PPP3CA: variants seen among roughly 807,000 people sequenced by gnomAD.
PPP3CA encodes CAM-PRP catalytic subunit.
Under a neutral mutation model 66.5 loss-of-function variants are expected in PPP3CA, and 14 were observed. The ratio of observed to expected loss-of-function variants is 0.21; its 90% confidence interval spans 0.14 to 0.33. The LOEUF (loss-of-function observed/expected upper bound fraction) is 0.33. Ranked by LOEUF, PPP3CA falls within the 10% of genes least tolerant of loss-of-function variation. PPP3CA has a pLI of 1.00. For missense variants in PPP3CA, 317 were observed against 639.5 expected, an observed-to-expected ratio of 0.50 and a Z score of 5.44; for synonymous variants, 232 against 226.2, an observed-to-expected ratio of 1.03 and a Z score of -0.23.
chr4:101,332,763 A>C (rs1473495151), intron 1 of PPP3CA, among the ~76,000 whole-genome samples: 5 of 152,206 alleles, frequency 3.3e-5, no homozygotes, highest in Non-Finnish European at 7.3e-5. Flanking sequence ...AATTTCTGTA[A>C]GAAAAATGGG....
At chr4:101,323,769 C>T (rs149603800) in intron 1 of PPP3CA, among the ~76,000 whole-genome samples, 80 of 152,208 alleles carry the variant, frequency 5.3e-4, no homozygotes, top group African/African-American at 1.8e-3. Flanking sequence ...CATTTAATCC[C>T]CATAACAACT....
At chr4:101,156,367 T>C (rs1723319162) in intron 2 of PPP3CA, among the ~76,000 whole-genome samples, 1 of 151,944 alleles carries the variant, frequency 6.6e-6, no homozygotes, top group African/African-American at 2.4e-5. Flanking sequence ...AAAATCAGAA[T>C]AAAGCACAGC....
intron 1 of PPP3CA, among the ~76,000 whole-genome samples, chr4:101,197,656 T>C (rs1724843160): frequency 6.6e-6 from 1 of 152,236 alleles, no homozygotes; most frequent in Non-Finnish European, 1.5e-5. Context: ...GTATTTATTT[T>C]ATGCCAGGCA....
At chr4:101,325,670 A>C (rs887447044) in intron 1 of PPP3CA, among the ~76,000 whole-genome samples, 3 of 152,164 alleles carry the variant, frequency 2.0e-5, no homozygotes, top group Non-Finnish European at 4.4e-5. Context: ...GGCTAACCAT[A>C]TCAAGAAAAC....
chr4:101,298,077 A>G (rs1728250847), intron 1 of PPP3CA, among the ~76,000 whole-genome samples: 3 of 152,064 alleles, frequency 2.0e-5, no homozygotes. Flanking sequence ...AAGTGACTCC[A>G]GAGATTCCTC....
chr4:101,227,511 G>A (rs145596022), intron 1 of PPP3CA, among the ~76,000 whole-genome samples: 1 of 151,762 alleles, frequency 6.6e-6, no homozygotes, highest in Non-Finnish European at 1.5e-5. Context: ...CACACTAGTG[G>A]TGCTTAGAGG....
intron 1 of PPP3CA, among the ~76,000 whole-genome samples, chr4:101,322,289 AC>A (rs1729063440): frequency 6.6e-6 from 1 of 152,176 alleles, no homozygotes. Context: ...ATTAAGAGAT[AC>A]AGCCTTTGGG....
intron 1 of PPP3CA, among the ~76,000 whole-genome samples, chr4:101,219,592 A>G (rs1725561045): frequency 6.6e-6 from 1 of 151,910 alleles, no homozygotes; most frequent in South Asian, 2.1e-4. Flanking sequence ...AAATTATATT[A>G]TTCTCAACCA....
At chr4:101,242,249 A>C (rs1249900329) in intron 1 of PPP3CA, among the ~76,000 whole-genome samples, 2 of 152,148 alleles carry the variant, frequency 1.3e-5, no homozygotes, top group Non-Finnish European at 2.9e-5. Flanking sequence ...TAGACACTGA[A>C]TGGGGATAGA....
intron 7 of PPP3CA, among the ~76,000 whole-genome samples, chr4:101,081,383 A>T (rs920841706): frequency 6.6e-6 from 1 of 152,168 alleles, no homozygotes; most frequent in African/African-American, 2.4e-5. Flanking sequence ...ATCAATCAGT[A>T]ATGAAACAGA....
intron 2 of PPP3CA, among the ~76,000 whole-genome samples, chr4:101,171,820 T>C (rs547970624): frequency 6.6e-6 from 1 of 152,326 alleles, no homozygotes; most frequent in East Asian, 1.9e-4. Flanking sequence ...TATGCAATTG[T>C]GTAATCTGTT....
chr4:101,295,646 A>T (rs1465611210), intron 1 of PPP3CA, among the ~76,000 whole-genome samples: 1 of 152,218 alleles, frequency 6.6e-6, no homozygotes, highest in Admixed American at 6.5e-5. Context: ...CTTTGCTTCA[A>T]ACTTTTCTCT....
At chr4:101,304,686 T>A (rs772186867) in intron 1 of PPP3CA, among the ~76,000 whole-genome samples, 6 of 152,198 alleles carry the variant, frequency 3.9e-5, no homozygotes, top group Non-Finnish European at 7.3e-5. Context: ...CATTTACATA[T>A]CTAATAGGTT....
intron 1 of PPP3CA, among the ~76,000 whole-genome samples, chr4:101,340,006 T>C (rs1729762191): frequency 6.6e-6 from 1 of 152,210 alleles, no homozygotes. Flanking sequence ...TTAGAGCTGA[T>C]GAAAATTTTT....
At chr4:101,239,333 T>C (rs1327778117) in intron 1 of PPP3CA, among the ~76,000 whole-genome samples, 1 of 152,134 alleles carries the variant, frequency 6.6e-6, no homozygotes, top group Non-Finnish European at 1.5e-5. Flanking sequence ...TCACTGTTGA[T>C]TACTCCCTTT....
rs151291665 is a variant in PPP3CA, at chr4:101,025,979, C to T, written c.1452G>A (p.Pro484=). The change falls in exon 14 of 14, where the codon CCG becomes CCA. Residue 484 remains proline (P), a synonymous_variant. Transcript: ENST00000394854. ...KGLDRINERM[P]PRRDAMPSDA... is the part of the protein sequence containing the mutation. The stretch of plus-strand genomic sequence containing the variant: ...CAGAGGGCATGGCATCTCTGCGAGG[C>T]GGCATCCTCTCATTAATTCGGTCTA... 3.8e-5 allele frequency: 61 copies of T among 1,613,770 alleles called. No homozygotes were observed. The highest frequency in any genetic ancestry group is 1.5e-4 in the African/African-American group (11 of 74,942).
intron 2 of PPP3CA, among the ~76,000 whole-genome samples, chr4:101,131,987 C>T (rs924204590): frequency 6.6e-6 from 1 of 152,164 alleles, no homozygotes; most frequent in Non-Finnish European, 1.5e-5. Context: ...ACTGAACAAC[C>T]TGCTCCTGAA....
In PPP3CA at chr4:101,054,115, A is replaced by C. The variant is rs3804354; in HGVS notation, c.1156+6972T>G. On this transcript the variant is annotated intron_variant, in intron 10 of 13. Coordinates refer to ENST00000394854, the MANE Select transcript of PPP3CA (RefSeq NM_000944.5). ...GAGCATATTTTCTTTTGTATATCTAAATGGGTTTTTTTTCTATTTTTTATA... is the reference window on the plus strand; with the variant it reads ...GAGCATATTTTCTTTTGTATATCTACATGGGTTTTTTTTCTATTTTTTATA... 1.5e-3 allele frequency among the ~76,000 whole-genome samples: 226 copies of C among 152,084 alleles called. 5 individuals carry two copies. In the East Asian group the frequency reaches 0.04, roughly 27 times the overall value.
At chr4:101,182,178 T>A (rs1724256326) in intron 2 of PPP3CA, among the ~76,000 whole-genome samples, 2 of 152,140 alleles carry the variant, frequency 1.3e-5, no homozygotes, top group South Asian at 4.1e-4. Flanking sequence ...AAAATCAAAT[T>A]GAATGAAACA....
Sources: allele counts gnomAD v4.1 joint callset (sites outside exome capture counted in the v4.1 genomes callset), GRCh38; gene constraint gnomAD v4.1.1; transcripts MANE v1.5; gene names NCBI Gene and HGNC (gene_info 2026-07-23, HGNC 2026-07-21).